PCDHGA7: variants seen among roughly 807,000 people sequenced by gnomAD.
The protein encoded by PCDHGA7 is protocadherin gamma-A7.
PCDHGA7 carries 44 observed loss-of-function variants against 58.3 expected under a neutral mutation model. The ratio of observed to expected loss-of-function variants is 0.75; its 90% confidence interval spans 0.59 to 0.97. The LOEUF is 0.97. Ranked by LOEUF, PCDHGA7 falls within the 50% of genes least tolerant of loss-of-function variation. PCDHGA7 has a pLI of 0.00. For synonymous variants in PCDHGA7, 516 were observed against 504.2 expected, an observed-to-expected ratio of 1.02 and a Z score of -0.31; for missense variants, 1,266 against 1,188.7, an observed-to-expected ratio of 1.06 and a Z score of -0.96.
In PCDHGA7 at chr5:141,485,990, C is replaced by T. The variant is rs1285988124; in HGVS notation, c.2425-8817C>T. 2.5e-6 allele frequency: 4 copies of T among 1,614,168 alleles called. No homozygotes were observed. The stretch of plus-strand genomic sequence containing the variant: ...CAATGCCTCAGACCCGGACCTGGGT[C>T]CCAGTGGTAACGTCACCTTTTATTT... On this transcript the variant is annotated intron_variant, in intron 1 of 3. Coordinates refer to ENST00000518325, the MANE Select transcript of PCDHGA7 (RefSeq NM_018920.4). This position sits in a 1 kb window ranked among gnomAD's most constrained non-coding sequence, Gnocchi z 5.7.
At chr5:141,409,984 GGACGCC>G (rs2095344357) in intron 1 of PCDHGA7, 1 of 1,613,210 alleles carries the variant, frequency 6.2e-7, no homozygotes, top group Admixed American at 1.7e-5. Context: ...TGGTAGCGGT[GGACGCC>G]GACTCGGGAC....
At chr5:141,398,993 G>A (rs1438560245) in intron 1 of PCDHGA7, 2 of 1,613,944 alleles carry the variant, frequency 1.2e-6, no homozygotes, top group Admixed American at 1.7e-5. Flanking sequence ...CAAATCTTTA[G>A]TCTGAATTCA....
intron 1 of PCDHGA7, among the ~76,000 whole-genome samples, chr5:141,458,380 G>T (rs1592559992): frequency 6.6e-6 from 1 of 152,136 alleles, no homozygotes; most frequent in African/African-American, 2.4e-5. Flanking sequence ...AAGAGAGAAG[G>T]AAGACGCTCC....
At chr5:141,397,912 A>G in intron 1 of PCDHGA7, 2 of 686,532 alleles carry the variant, frequency 2.9e-6, no homozygotes, top group Non-Finnish European at 4.8e-6. Flanking sequence ...TTGGCGCTCC[A>G]GATCTCCTCG....
At position 141,432,851 on chromosome 5, in the gene PCDHGA7, G is replaced by T. The variant is rs561153330; in HGVS notation, c.2424+47528G>T. 8 of 1,614,198 alleles carry T rather than the reference G, an allele frequency of 5.0e-6. No homozygotes were observed. In the African/African-American group the frequency reaches 9.3e-5, roughly 19 times the overall value. ...CACTCTGTACCTGGTGGTAGCGGTG[G>T]CCGCGGTCTCCTGCGTCTTCCTGGC... On this transcript the variant is annotated intron_variant, in intron 1 of 3. Transcript: ENST00000518325. This position sits in a 1 kb window ranked among gnomAD's most constrained non-coding sequence, Gnocchi z 6.0.
At chr5:141,470,037 G>C (rs76537989) in intron 1 of PCDHGA7, among the ~76,000 whole-genome samples, 14 of 152,138 alleles carry the variant, frequency 9.2e-5, no homozygotes, top group Non-Finnish European at 1.5e-4. Flanking sequence ...GCTGAGGCGC[G>C]AGAACTGTTT....
rs1781097976 is a variant in PCDHGA7, at chr5:141,385,300, A to G, written c.2401A>G (p.Lys801Glu). The change falls in exon 1 of 4, where the codon AAA becomes GAA. Residue 801 changes from lysine to glutamate, a missense_variant. Lys to Glu is a moderately conservative substitution (Grantham distance 56). Coordinates refer to ENST00000518325, the MANE Select transcript of PCDHGA7 (RefSeq NM_018920.4). ...AACATCCGTAGATTTTCAGGAATGT[A>G]AAGAAAACCTGCCAAGTATTCAGGT... is the stretch of plus-strand genomic sequence containing the variant. ...LLTSVDFQEC[K>E]ENLPSIQQAP... The G allele has an allele frequency of 1.2e-6, 2 of 1,613,102 alleles. No homozygotes were observed. Among genetic ancestry groups the G allele is most frequent in the Non-Finnish European group, 8.5e-7 (1 of 1,179,262 alleles).
At chr5:141,481,390 G>A (rs553179819) in intron 1 of PCDHGA7, among the ~76,000 whole-genome samples, 2 of 152,346 alleles carry the variant, frequency 1.3e-5, no homozygotes, top group East Asian at 3.9e-4. Context: ...TTGGAGGGAT[G>A]TGACAAAATT....
intron 1 of PCDHGA7, chr5:141,399,730 T>G: frequency 2.5e-6 from 4 of 1,613,266 alleles, no homozygotes; most frequent in Non-Finnish European, 8.5e-7. Context: ...CGACCAGGGC[T>G]CGCCTGCGCT....
intron 1 of PCDHGA7, chr5:141,399,856 G>T: frequency 6.2e-7 from 1 of 1,612,894 alleles, no homozygotes; most frequent in South Asian, 1.1e-5. Context: ...GGTGCCGCGC[G>T]CTGCAGAGCC....
At chr5:141,428,134 T>C (rs746772496) in intron 1 of PCDHGA7, 1 of 1,600,266 alleles carries the variant, frequency 6.2e-7, no homozygotes, top group Non-Finnish European at 8.5e-7. Flanking sequence ...CTTTTCAGCC[T>C]GGGGCTGCAC....
chr5:141,422,594 C>G, intron 1 of PCDHGA7: 1 of 1,614,090 alleles, frequency 6.2e-7, no homozygotes, highest in Non-Finnish European at 8.5e-7. Flanking sequence ...TTTCCTCACT[C>G]CTCTTACTCT....
At chr5:141,410,715 G>C (rs1237496496) in intron 1 of PCDHGA7, 1 of 1,422,664 alleles carries the variant, frequency 7.0e-7, no homozygotes, top group Non-Finnish European at 9.4e-7. Context: ...AGAATCATAT[G>C]TTTAAAATCC....
At chr5:141,461,281 C>T (rs1305044383) in intron 1 of PCDHGA7, among the ~76,000 whole-genome samples, 1 of 152,050 alleles carries the variant, frequency 6.6e-6, no homozygotes, top group Non-Finnish European at 1.5e-5. Flanking sequence ...CTCTTTTCCC[C>T]ACATCCACAC....
chr5:141,410,023 C>G, intron 1 of PCDHGA7: 1 of 1,613,310 alleles, frequency 6.2e-7, no homozygotes, highest in Non-Finnish European at 8.5e-7. Context: ...TGTCCTACCA[C>G]GTGCTGCAGG....
At chr5:141,466,058 C>T (rs970494567) in intron 1 of PCDHGA7, among the ~76,000 whole-genome samples, 2 of 152,046 alleles carry the variant, frequency 1.3e-5, no homozygotes, top group African/African-American at 4.8e-5. Flanking sequence ...GGAGACGGAG[C>T]TTGCAGTGAG....
rs768079276 is a variant in PCDHGA7, at chr5:141,490,997, G to A, written c.2425-3810G>A. On this transcript the variant is annotated intron_variant, in intron 1 of 3. Transcript: ENST00000518325. The surrounding 1 kb of genome is among the most constrained non-coding windows in gnomAD (Gnocchi z 5.4). ...CGTCTCCCTCGCTCTGCTCCTCCTG[G>A]CTCCTTGGTCACCAAGGTGACAGCC... 1.2e-6 allele frequency: 2 copies of A among 1,614,032 alleles called. No individual in the cohort carries two copies. Among genetic ancestry groups the A allele is most frequent in the Admixed American group, 1.7e-5 (1 of 60,030 alleles).
At chr5:141,430,078 T>A (rs911861599) in intron 1 of PCDHGA7, among the ~76,000 whole-genome samples, 2 of 152,282 alleles carry the variant, frequency 1.3e-5, no homozygotes, top group Admixed American at 1.3e-4. Context: ...TTCCATAATA[T>A]CATGAAAATT....
At chr5:141,504,643 G>A (rs1049421626) in intron 2 of PCDHGA7, among the ~76,000 whole-genome samples, 3 of 124,276 alleles carry the variant, frequency 2.4e-5, no homozygotes, top group African/African-American at 9.0e-5. Flanking sequence ...AAGGTTTGAT[G>A]ATAGAGTGTT....
Sources: allele counts gnomAD v4.1 joint callset (sites outside exome capture counted in the v4.1 genomes callset), GRCh38; gene constraint gnomAD v4.1.1; non-coding constraint Gnocchi (gnomAD v3.1); transcripts MANE v1.5; gene names NCBI Gene and HGNC (gene_info 2026-07-23, HGNC 2026-07-21).